PDGFD: variants seen among roughly 807,000 people sequenced by gnomAD.
PDGFD encodes platelet derived growth factor D, also known as platelet-derived growth factor D.
A neutral mutation model predicts 44.7 loss-of-function variants in PDGFD; 30 were observed. The observed-to-expected ratio is 0.67, with a 90% confidence interval of 0.50 to 0.91. The LOEUF is 0.91. PDGFD is among the 40% of genes least tolerant of loss of function. The pLI is 0.00. For missense variants in PDGFD, 445 were observed against 457.8 expected (o/e 0.97, Z 0.25); for synonymous variants, 173 against 168.4 (o/e 1.03, Z -0.21).
At position 104,074,845 on chromosome 11, in the gene PDGFD, G is replaced by A. The variant is rs56150230; in HGVS notation, c.125-74590C>T. On this transcript the variant is annotated intron_variant, in intron 1 of 6. Transcript: ENST00000393158. The stretch of plus-strand genomic sequence containing the variant: ...CTGATTGCCTGGGAGGGAGCAAGTA[G>A]GTAGATGGGGAAATTATGTGGTGAA... Among the ~76,000 whole-genome samples the A allele has an allele frequency of 5.1e-3, 773 of 152,256 alleles. 5 individuals carry two copies. Among genetic ancestry groups the A allele is most frequent in the African/African-American group, 0.018 (748 of 41,548 alleles).
At chr11:103,921,774 TTCTAGATGC>T (rs1858226808) in intron 6 of PDGFD, among the ~76,000 whole-genome samples, 1 of 151,194 alleles carries the variant, frequency 6.6e-6, no homozygotes, top group African/African-American at 2.4e-5. Flanking sequence ...GTCTAAGTGA[TTCTAGATGC>T]TATAAATGTG....
intron 3 of PDGFD, 152 bp downstream of exon 3, chr11:103,995,913 T>A (rs1389425240): frequency 3.1e-6 from 2 of 646,558 alleles, no homozygotes; most frequent in African/African-American, 3.8e-5. Context: ...CTAAGAAGGA[T>A]TTTAACATTT....
intron 3 of PDGFD, among the ~76,000 whole-genome samples, chr11:103,983,063 A>C (rs1859297579): frequency 6.6e-6 from 1 of 151,820 alleles, no homozygotes; most frequent in Admixed American, 6.6e-5. Context: ...ATTAGAAAAA[A>C]ACTATTTTAA....
chr11:103,976,076 T>C (rs1175945520), intron 3 of PDGFD, among the ~76,000 whole-genome samples: 2 of 152,182 alleles, frequency 1.3e-5, no homozygotes, highest in African/African-American at 4.8e-5. Flanking sequence ...AAGTTATAAA[T>C]TGCTTTGGGC....
At chr11:104,126,983 T>G (rs887414825) in intron 1 of PDGFD, among the ~76,000 whole-genome samples, 1 of 151,906 alleles carries the variant, frequency 6.6e-6, no homozygotes, top group African/African-American at 2.4e-5. Flanking sequence ...TTTTTGAGGG[T>G]AGAAGGGGAG....
intron 1 of PDGFD, among the ~76,000 whole-genome samples, chr11:104,035,507 C>A (rs1399843492): frequency 6.6e-6 from 1 of 150,834 alleles, no homozygotes; most frequent in East Asian, 2.0e-4. Flanking sequence ...AAAAAAAAAT[C>A]ACAAACACCT....
chr11:103,950,999 A>G (rs1444690884), intron 3 of PDGFD, among the ~76,000 whole-genome samples: 1 of 152,220 alleles, frequency 6.6e-6, no homozygotes, highest in East Asian at 1.9e-4. Flanking sequence ...GCCCCTAAAC[A>G]AATGTTACAC....
chr11:104,050,924 T>C (rs1469803685), intron 1 of PDGFD, among the ~76,000 whole-genome samples: 1 of 152,172 alleles, frequency 6.6e-6, no homozygotes, highest in African/African-American at 2.4e-5. Context: ...TTTAACTCAA[T>C]ACTATCAATC....
intron 1 of PDGFD, among the ~76,000 whole-genome samples, chr11:104,055,471 G>T (rs1860604930): frequency 6.6e-6 from 1 of 152,204 alleles, no homozygotes; most frequent in Admixed American, 6.5e-5. Context: ...GGAATGGAAA[G>T]AATACATTGA....
chr11:104,049,137 A>C (rs1860487173), intron 1 of PDGFD, among the ~76,000 whole-genome samples: 1 of 152,138 alleles, frequency 6.6e-6, no homozygotes, highest in Non-Finnish European at 1.5e-5. Context: ...TAAATATATC[A>C]TTTCAGGGAC....
At chr11:104,149,921 T>C (rs1862217985) in intron 1 of PDGFD, among the ~76,000 whole-genome samples, 1 of 152,154 alleles carries the variant, frequency 6.6e-6, no homozygotes, top group Non-Finnish European at 1.5e-5. Flanking sequence ...GCTGTATATA[T>C]CTTCTGTTCC....
intron 1 of PDGFD, among the ~76,000 whole-genome samples, chr11:104,144,091 T>A (rs1216323480): frequency 6.6e-6 from 1 of 152,186 alleles, no homozygotes; most frequent in Admixed American, 6.5e-5. Context: ...TTGCTTGATC[T>A]ACAACTGTGA....
At chr11:104,114,297 A>AT (rs893210768) in intron 1 of PDGFD, among the ~76,000 whole-genome samples, 28 of 146,882 alleles carry the variant, frequency 1.9e-4, no homozygotes, top group East Asian at 4.1e-4. Context: ...GTGTAGATTC[A>AT]TTTTTTTTTC....
chr11:104,144,425 G>A (rs1177885629), intron 1 of PDGFD, among the ~76,000 whole-genome samples: 3 of 145,286 alleles, frequency 2.1e-5, no homozygotes, highest in Admixed American at 7.1e-5. Context: ...AGAATCGCTT[G>A]AACCCAGGCG....
intron 1 of PDGFD, among the ~76,000 whole-genome samples, chr11:104,090,564 G>A (rs1353285857): frequency 6.6e-6 from 1 of 151,566 alleles, no homozygotes; most frequent in Admixed American, 6.6e-5. Context: ...AGGAGGTGGA[G>A]GTTGCAGTGA....
At chr11:103,936,431 T>A (rs1858488078) in intron 5 of PDGFD, among the ~76,000 whole-genome samples, 1 of 152,204 alleles carries the variant, frequency 6.6e-6, no homozygotes, top group Non-Finnish European at 1.5e-5. Context: ...TCCTCCTGTT[T>A]AGCATGCAGT....
chr11:104,083,318 T>C (rs760630048), intron 1 of PDGFD, among the ~76,000 whole-genome samples: 1 of 152,108 alleles, frequency 6.6e-6, no homozygotes, highest in African/African-American at 2.4e-5. Flanking sequence ...GCTAAAATGA[T>C]ATGTGGGAGC....
chr11:104,085,539 A>C (rs1194372451), intron 1 of PDGFD, among the ~76,000 whole-genome samples: 3 of 152,132 alleles, frequency 2.0e-5, no homozygotes, highest in African/African-American at 7.2e-5. Context: ...TATTATATAG[A>C]CATTTTCCAC....
intron 1 of PDGFD, among the ~76,000 whole-genome samples, chr11:104,108,435 A>C (rs936376590): frequency 1.3e-5 from 2 of 152,212 alleles, no homozygotes; most frequent in African/African-American, 2.4e-5. Flanking sequence ...ATGCAGCCAA[A>C]AGACACATGA....
Sources: gnomAD v4.1 joint callset for allele counts (sites outside exome capture counted in the v4.1 genomes callset) on GRCh38, gnomAD v4.1.1 for gene constraint, MANE v1.5 for transcripts, NCBI Gene and HGNC (gene_info 2026-07-23, HGNC 2026-07-21) for gene names.